The following CCDC15 variants were observed in gnomAD, a reference collection of about 807,000 sequenced individuals.
The protein encoded by CCDC15 is coiled-coil domain-containing protein 15.
Under a neutral mutation model 114.5 loss-of-function variants are expected in CCDC15, and 105 were observed. The observed-to-expected ratio is 0.92, with a 90% CI of 0.78 to 1.08. The LOEUF (loss-of-function observed/expected upper bound fraction) is 1.08. Ranked by LOEUF, CCDC15 falls within the 50% of genes least tolerant of loss-of-function variation. The probability of loss-of-function intolerance (pLI) is 0.00; values close to 1 mark genes in which losing one functional copy is unlikely to be tolerated. For synonymous variants in CCDC15, 334 were observed against 377.8 expected (o/e 0.88, Z 1.34); for missense variants, 1,105 against 1,093.6 (o/e 1.01, Z -0.15).
intron 13 of CCDC15, among the ~76,000 whole-genome samples, chr11:125,036,802 G>A (rs1948777845): frequency 6.6e-6 from 1 of 151,954 alleles, no homozygotes; most frequent in Admixed American, 6.6e-5. Context: ...TTTAACTCCA[G>A]AATTTCTACT....
intron 13 of CCDC15, among the ~76,000 whole-genome samples, chr11:125,017,952 A>G (rs1366679774): frequency 6.6e-6 from 1 of 152,162 alleles, no homozygotes; most frequent in African/African-American, 2.4e-5. Context: ...AAGAGTTATT[A>G]TAAAAGAGTC....
At chr11:125,025,921 T>C (rs996500517) in intron 13 of CCDC15, among the ~76,000 whole-genome samples, 1 of 152,148 alleles carries the variant, frequency 6.6e-6, no homozygotes, top group African/African-American at 2.4e-5. Context: ...TTAATTTTTC[T>C]ATTTTTGTGT....
chr11:125,040,021 A>G (rs572851993), intron 15 of CCDC15, among the ~76,000 whole-genome samples: 2 of 149,794 alleles, frequency 1.3e-5, no homozygotes, highest in Non-Finnish European at 3.0e-5. Context: ...CTATGATGAC[A>G]TTTGTTGTTG....
intron 11 of CCDC15, among the ~76,000 whole-genome samples, chr11:124,995,078 C>T (rs951946071): frequency 1.3e-5 from 2 of 152,140 alleles, no homozygotes; most frequent in African/African-American, 4.8e-5. Flanking sequence ...GGGTATGCTG[C>T]TGTGTTTTAG....
chr11:124,976,920 A>G (rs1038035991), intron 5 of CCDC15, among the ~76,000 whole-genome samples: 14 of 152,236 alleles, frequency 9.2e-5, no homozygotes, highest in African/African-American at 2.9e-4. Flanking sequence ...AATATGAAAA[A>G]CAAATCTACT....
chr11:125,005,018 A>G (rs12286897), intron 12 of CCDC15, 91 bp from the exon 13 acceptor site: 95,180 of 560,946 alleles, frequency 0.17, 9,429 homozygotes, highest in African/African-American at 0.34. Flanking sequence ...GTTTGCTTGC[A>G]TTTGTTTTTG....
chr11:125,033,549 G>A (rs945256124), intron 13 of CCDC15, among the ~76,000 whole-genome samples: 3 of 152,094 alleles, frequency 2.0e-5, no homozygotes, highest in Admixed American at 1.3e-4. Flanking sequence ...AATCTATTTT[G>A]GAAAGCATTG....
chr11:124,970,253 AG>A (rs1947857530), intron 4 of CCDC15, among the ~76,000 whole-genome samples: 1 of 152,056 alleles, frequency 6.6e-6, no homozygotes, highest in African/African-American at 2.4e-5. Context: ...GATATTTCCT[AG>A]TTTATTATCT....
intron 13 of CCDC15, among the ~76,000 whole-genome samples, chr11:125,026,691 CT>C (rs1433322136): frequency 1.3e-5 from 2 of 152,142 alleles, no homozygotes; most frequent in Non-Finnish European, 2.9e-5. Flanking sequence ...CCTCCAGCCC[CT>C]GGTACCATTT....
chr11:124,974,594 A>G (rs1947942515), intron 4 of CCDC15, among the ~76,000 whole-genome samples: 1 of 152,154 alleles, frequency 6.6e-6, no homozygotes, highest in Non-Finnish European at 1.5e-5. Flanking sequence ...TTAAGTAGCT[A>G]TGGTCTTCAA....
At chr11:124,997,516 C>T (rs182860624) in intron 11 of CCDC15, among the ~76,000 whole-genome samples, 5 of 151,760 alleles carry the variant, frequency 3.3e-5, no homozygotes, top group Non-Finnish European at 5.9e-5. Context: ...CTTGAGCTCC[C>T]GGCCTCAAGT....
chr11:125,011,248 A>ATTATTTTTTTTT (rs1440220391), intron 13 of CCDC15, among the ~76,000 whole-genome samples: 2 of 147,212 alleles, frequency 1.4e-5, no homozygotes, highest in African/African-American at 2.5e-5. Flanking sequence ...TATTATTATT[A>ATTATTTTTTTTT]TTTTTTAAGA....
At chr11:124,968,619 G>A (rs1053846254) in intron 4 of CCDC15, among the ~76,000 whole-genome samples, 4 of 152,126 alleles carry the variant, frequency 2.6e-5, no homozygotes, top group African/African-American at 4.8e-5. Flanking sequence ...TCCTGGGTGA[G>A]GCGATGCCCC....
chr11:125,030,832 A>G (rs1948733716), intron 13 of CCDC15, among the ~76,000 whole-genome samples: 1 of 152,176 alleles, frequency 6.6e-6, no homozygotes, highest in Non-Finnish European at 1.5e-5. Context: ...GGCTGGGGAA[A>G]GAGGGTGAGT....
chr11:125,025,519 G>C (rs572388892), intron 13 of CCDC15, among the ~76,000 whole-genome samples: 7 of 151,914 alleles, frequency 4.6e-5, no homozygotes, highest in Non-Finnish European at 1.0e-4. Flanking sequence ...TAAATGTTTG[G>C]TAGAATTTGG....
chr11:125,027,662 A>G (rs1342090112), intron 13 of CCDC15, among the ~76,000 whole-genome samples: 2 of 149,836 alleles, frequency 1.3e-5, no homozygotes, highest in East Asian at 2.0e-4. Context: ...GTTTGCAATT[A>G]TTTTCTCCCA....
chr11:125,038,991 T>C lies in CCDC15; in HGVS notation c.2656T>C (p.Cys886Arg), dbSNP rs1317234485. Reference sequence around the variant, plus strand: ...GTATAATATTACTTTACCTCCACTATGCTGTTGTGGTCCTGATTTTTGGGA... The same window carrying C: ...GTATAATATTACTTTACCTCCACTACGCTGTTGTGGTCCTGATTTTTGGGA... ...QLYNITLPPL[C>R]CCGPDFWDAH... Residue 886 changes from cysteine (C) to arginine (R), a missense_variant, in exon 15 of 16, where the codon TGC (cysteine) becomes CGC (arginine). By Grantham distance (180) the Cys-to-Arg change is radical. Coordinates refer to ENST00000344762, the MANE Select transcript of CCDC15 (RefSeq NM_025004.3). 1.9e-6 allele frequency: 3 copies of C among 1,612,886 alleles called. No homozygotes were observed. The highest frequency in any genetic ancestry group is 2.5e-6 in the Non-Finnish European group (3 of 1,179,222).
intron 15 of CCDC15, 93 bp downstream of exon 15, chr11:125,039,162 T>C (rs1020510326): frequency 9.0e-6 from 11 of 1,228,144 alleles, no homozygotes; most frequent in Non-Finnish European, 1.1e-5. Flanking sequence ...ATTGAGTGCT[T>C]ACTATGTATC....
intron 6 of CCDC15, among the ~76,000 whole-genome samples, chr11:124,983,484 G>A (rs1322156541): frequency 1.3e-5 from 2 of 151,956 alleles, no homozygotes; most frequent in African/African-American, 4.8e-5. Context: ...TGTCCTTGGG[G>A]GTTTGATTCT....
Sources: gnomAD v4.1 joint callset for allele counts (sites outside exome capture counted in the v4.1 genomes callset) on GRCh38, gnomAD v4.1.1 for gene constraint, MANE v1.5 for transcripts, NCBI Gene and HGNC (gene_info 2026-07-23, HGNC 2026-07-21) for gene names.